PDE4D: variants seen among roughly 807,000 people sequenced by gnomAD.
PDE4D encodes the protein phosphodiesterase 4D.
PDE4D carries 24 observed loss-of-function variants against 87.4 expected under a neutral mutation model. That is an observed-to-expected ratio of 0.27 (90% confidence interval 0.20 to 0.39). PDE4D has a LOEUF of 0.39. PDE4D is among the 10% of genes least tolerant of loss of function. The pLI, the probability that PDE4D is intolerant of heterozygous loss-of-function variation, is 1.00. For synonymous variants in PDE4D, 384 were observed against 383.2 expected (o/e 1.00, Z -0.02); for missense variants, 714 against 1,041.0 (o/e 0.69, Z 4.32).
At chr5:59,285,172 C>G (rs1008227005) in intron 1 of PDE4D, among the ~76,000 whole-genome samples, 2 of 137,542 alleles carry the variant, frequency 1.5e-5, no homozygotes, top group Non-Finnish European at 3.1e-5. Flanking sequence ...TGTAACTAAC[C>G]TGCACAATGT....
chr5:59,762,891 A>ATATC (rs1225575340), intron 1 of PDE4D, among the ~76,000 whole-genome samples: 3 of 117,648 alleles, frequency 2.5e-5, no homozygotes, highest in Non-Finnish European at 5.4e-5. Flanking sequence ...ATATATATAT[A>ATATC]TAGCTTGCTC....
At chr5:60,462,363 C>T (rs893257876) in intron 1 of PDE4D, among the ~76,000 whole-genome samples, 23 of 152,042 alleles carry the variant, frequency 1.5e-4, no homozygotes, top group African/African-American at 5.3e-4. Context: ...AGCAGGCTGG[C>T]TCACCCACAC....
intron 1 of PDE4D, among the ~76,000 whole-genome samples, chr5:59,311,129 C>T (rs1772497581): frequency 6.6e-6 from 1 of 152,004 alleles, no homozygotes. Context: ...AAATGTGGGA[C>T]CAGGGTTAGT....
chr5:59,577,607 T>C (rs1823388200), intron 1 of PDE4D, among the ~76,000 whole-genome samples: 2 of 152,174 alleles, frequency 1.3e-5, no homozygotes, highest in South Asian at 4.1e-4. Context: ...TGAAGTTCCC[T>C]GACAAGTGAC....
intron 2 of PDE4D, among the ~76,000 whole-genome samples, chr5:59,197,449 G>A (rs72764100): frequency 0.012 from 1,890 of 152,204 alleles, 15 homozygotes; most frequent in Non-Finnish European, 0.02. Flanking sequence ...AGTGGCAGAT[G>A]TCCTCGATAA....
chr5:59,410,050 A>G (rs1792377728), intron 1 of PDE4D, among the ~76,000 whole-genome samples: 2 of 152,292 alleles, frequency 1.3e-5, no homozygotes, highest in Middle Eastern at 3.4e-3. Flanking sequence ...CATCTCAAGC[A>G]TTTATCATTT....
At chr5:59,195,120 G>C (rs1243958453) in intron 2 of PDE4D, among the ~76,000 whole-genome samples, 1 of 152,044 alleles carries the variant, frequency 6.6e-6, no homozygotes, top group Non-Finnish European at 1.5e-5. Flanking sequence ...CCATGTCCTT[G>C]AACTACCCAG....
At chr5:59,685,896 C>T (rs903218422) in intron 1 of PDE4D, among the ~76,000 whole-genome samples, 2 of 152,048 alleles carry the variant, frequency 1.3e-5, no homozygotes, top group Non-Finnish European at 2.9e-5. Context: ...GTTCCAGCAG[C>T]AAGACTTACC....
At chr5:60,171,401 C>T (rs528111414) in intron 2 of PDE4D, among the ~76,000 whole-genome samples, 1 of 151,956 alleles carries the variant, frequency 6.6e-6, no homozygotes, top group Non-Finnish European at 1.5e-5. Context: ...CTTAGTTCTA[C>T]TGAAGTGCAA....
chr5:59,655,440 T>C (rs1213341778), intron 1 of PDE4D, among the ~76,000 whole-genome samples: 1 of 152,194 alleles, frequency 6.6e-6, no homozygotes, highest in Admixed American at 6.5e-5. Context: ...GGAACTTCAA[T>C]ATAAAATGTA....
chr5:59,810,272 T>G (rs1421343843), intron 1 of PDE4D, among the ~76,000 whole-genome samples: 3 of 152,132 alleles, frequency 2.0e-5, no homozygotes, highest in Admixed American at 2.0e-4. Context: ...TTACAGAAAA[T>G]TATTCATTAT....
intron 1 of PDE4D, among the ~76,000 whole-genome samples, chr5:60,423,354 A>C (rs1319841274): frequency 6.6e-6 from 1 of 152,274 alleles, no homozygotes; most frequent in Non-Finnish European, 1.5e-5. Context: ...CTCTCAGACC[A>C]CAATGCAATC....
At chr5:59,604,415 T>G (rs1403487621) in intron 1 of PDE4D, among the ~76,000 whole-genome samples, 3 of 152,030 alleles carry the variant, frequency 2.0e-5, no homozygotes, top group African/African-American at 7.2e-5. Context: ...AATGTTAAAT[T>G]AGGGAAGCAA....
At chr5:59,961,975 T>C (rs1759520357) in intron 3 of PDE4D, among the ~76,000 whole-genome samples, 1 of 152,164 alleles carries the variant, frequency 6.6e-6, no homozygotes, top group African/African-American at 2.4e-5. Flanking sequence ...TAGAAAGATG[T>C]TTTGAATGTT....
chr5:59,933,024 G>A (rs1049998377), intron 3 of PDE4D, among the ~76,000 whole-genome samples: 4 of 152,118 alleles, frequency 2.6e-5, no homozygotes, highest in Non-Finnish European at 5.9e-5. Flanking sequence ...ATGGGACTCA[G>A]AAGTTTTGAG....
intron 3 of PDE4D, among the ~76,000 whole-genome samples, chr5:59,933,088 T>TA (rs1756155642): frequency 6.6e-6 from 1 of 152,166 alleles, no homozygotes; most frequent in Non-Finnish European, 1.5e-5. Flanking sequence ...AGAAAATTTG[T>TA]AGCTGGAACA....
chr5:59,574,531 A>G (rs892268215), intron 1 of PDE4D, among the ~76,000 whole-genome samples: 1 of 152,204 alleles, frequency 6.6e-6, no homozygotes, highest in African/African-American at 2.4e-5. Flanking sequence ...TTAACCAGTC[A>G]GCATCAGAGT....
chr5:59,483,877 A>G (rs1804671293), intron 1 of PDE4D, among the ~76,000 whole-genome samples: 1 of 152,184 alleles, frequency 6.6e-6, no homozygotes, highest in African/African-American at 2.4e-5. Flanking sequence ...AAAGAGGTAT[A>G]CCCTCTTCTT....
intron 1 of PDE4D, among the ~76,000 whole-genome samples, chr5:60,381,795 C>T (rs1157710990): frequency 6.6e-6 from 1 of 151,942 alleles, no homozygotes; most frequent in Non-Finnish European, 1.5e-5. Context: ...GTGATGAAAG[C>T]CCAGAATGGG....
Sources: allele counts gnomAD v4.1 joint callset (sites outside exome capture counted in the v4.1 genomes callset), GRCh38; gene constraint gnomAD v4.1.1; transcripts MANE v1.5; gene names NCBI Gene and HGNC (gene_info 2026-07-23, HGNC 2026-07-21).